KLHL26: variants seen among roughly 807,000 people sequenced by gnomAD.
KLHL26 encodes the protein kelch like family member 26, also known as kelch-like protein 26.
A neutral mutation model predicts 7.1 loss-of-function variants in KLHL26; 4 were observed. The ratio of observed to expected loss-of-function variants is 0.56; its 90% confidence interval spans 0.28 to 1.28. The LOEUF (loss-of-function observed/expected upper bound fraction) is 1.28, where lower values mean the gene tolerates loss of function less well. Among genes scored for constraint, KLHL26 ranks in the 50% most tolerant of loss-of-function variants. The pLI is 0.11. For synonymous variants in KLHL26, 465 were observed against 414.1 expected (o/e 1.12, Z -1.49); for missense variants, 896 against 924.6 (o/e 0.97, Z 0.40).
chr19:18,667,995 GA>G lies in KLHL26; in HGVS notation c.599del (p.Asp200ValfsTer150). 6.2e-7 allele frequency: 1 copy of G among 1,608,344 alleles called. No homozygotes were observed. Among genetic ancestry groups the G allele is most frequent in the East Asian group, 2.2e-5 (1 of 44,866 alleles). On this transcript the variant is annotated frameshift_variant, in exon 3 of 3. Coordinates refer to ENST00000300976, the MANE Select transcript of KLHL26 (RefSeq NM_018316.3). LOFTEE classifies it low-confidence loss of function (END_TRUNC). Reference protein sequence around the residue: ...RHFLQIAEEEDFLRLPLERLV... With the variant: ...RHFLQIAEEEXFLRLPLERLV... Reference sequence around the variant, plus strand: ...CTTCCTGCAGATCGCCGAGGAGGAGGATTTCCTGCGCCTGCCACTGGAGCGC... The same window carrying G: ...CTTCCTGCAGATCGCCGAGGAGGAGGTTTCCTGCGCCTGCCACTGGAGCGC...
chr19:18,664,543 A>C (rs1600707968), intron 2 of KLHL26, 100 bp downstream of exon 2: 1 of 921,932 alleles, frequency 1.1e-6, no homozygotes, highest in East Asian at 2.6e-5. Context: ...TCTCAGCGCT[A>C]CCCAGGGACA....
Position 18,668,496 on chromosome 19 carries a change from G to A in KLHL26, c.1099G>A (p.Gly367Arg). 4 of 1,605,546 alleles carry A rather than the reference G, an allele frequency of 2.5e-6. No homozygotes were observed. The highest frequency in any genetic ancestry group is 2.2e-5 in the East Asian group (1 of 44,796). ...AVLDNFVYVA[G>R]GQHLQYRSGE... ...GCTGGACAATTTTGTGTACGTGGCC[G>A]GGGGGCAGCACCTGCAGTACCGCAG... The change falls in exon 3 of 3, where the codon GGG becomes AGG. Residue 367 changes from glycine to arginine, a missense_variant. By Grantham distance (125) the Gly-to-Arg change is moderately radical. Coordinates refer to ENST00000300976, the MANE Select transcript of KLHL26 (RefSeq NM_018316.3).
intron 1 of KLHL26, among the ~76,000 whole-genome samples, chr19:18,642,158 T>G (rs1315798439): frequency 6.6e-6 from 1 of 152,222 alleles, no homozygotes; most frequent in Non-Finnish European, 1.5e-5. Context: ...ATTGTTCGTC[T>G]GTTCCTTCAT....
At chr19:18,652,885 G>A (rs993793513) in intron 1 of KLHL26, among the ~76,000 whole-genome samples, 1 of 152,178 alleles carries the variant, frequency 6.6e-6, no homozygotes, top group African/African-American at 2.4e-5. Context: ...CTAGAAAAGG[G>A]GCACGGCTAT....
At chr19:18,645,522 G>A (rs1450437690) in intron 1 of KLHL26, among the ~76,000 whole-genome samples, 2 of 152,086 alleles carry the variant, frequency 1.3e-5, no homozygotes, top group Non-Finnish European at 2.9e-5. Context: ...TGCATAAGAA[G>A]TGGTGGCTAG....
rs1237118365 is a variant in KLHL26, at chr19:18,669,531, G to A, written c.*286G>A. 3.5e-6 allele frequency: 2 copies of A among 563,702 alleles called. No homozygotes were observed. Among genetic ancestry groups the A allele is most frequent in the East Asian group, 3.0e-5 (1 of 33,840 alleles). The allele number at this position is 563,702 out of a possible 1,614,324, so 34.9% of individuals were successfully genotyped here. On this transcript the variant is annotated 3_prime_UTR_variant, in exon 3 of 3. Coordinates refer to ENST00000300976, the MANE Select transcript of KLHL26 (RefSeq NM_018316.3). ...CCTCGCCTGGCCCCCGAGTCCCCAC[G>A]GGCTGGCGGGTGGAATCCCAGGTCT... is the stretch of plus-strand genomic sequence containing the variant.
Position 18,669,379 on chromosome 19 carries a change from G to A in KLHL26, c.*134G>A. On this transcript the variant is annotated 3_prime_UTR_variant, in exon 3 of 3. Transcript: ENST00000300976. ...CTTGAGGGGCCTGCTGCGTTGATAA[G>A]CCCCCCTCCCAGGGGTCCCTCCCTC... 3.0e-6 allele frequency: 2 copies of A among 667,232 alleles called. No homozygotes were observed. Among genetic ancestry groups the A allele is most frequent in the Non-Finnish European group, 5.1e-6 (2 of 391,644 alleles). The allele number at this position is 667,232 out of a possible 1,614,324, so 41.3% of individuals were successfully genotyped here. A position where few individuals can be genotyped will look rare whatever the true frequency, so the allele number is the denominator to read the frequency against.
intron 1 of KLHL26, among the ~76,000 whole-genome samples, chr19:18,663,724 C>T (rs1412716012): frequency 6.6e-6 from 1 of 151,246 alleles, no homozygotes; most frequent in East Asian, 1.9e-4. Flanking sequence ...ATTCATTGAT[C>T]CGTTCAACAG....
rs937123480 is a variant in KLHL26 at position 18,668,255 on chromosome 19, C to A, written c.858C>A (p.Asn286Lys). The A allele has an allele frequency of 6.2e-7, 1 of 1,612,232 alleles. No homozygotes were observed. Among genetic ancestry groups the A allele is most frequent in the Non-Finnish European group, 8.5e-7 (1 of 1,179,878 alleles). The change falls in exon 3 of 3, where the codon AAC becomes AAA. Residue 286 changes from asparagine (N) to lysine (K), a missense_variant. Physicochemically the swap from Asn to Lys is moderately conservative, Grantham distance 94. Transcript: ENST00000300976. Reference sequence around the variant, plus strand: ...GCCAGTATCTGCTGGAGGCCTTCAACTACCAGGTGCTGCCCTTCCGGCAGC... The same window carrying A: ...GCCAGTATCTGCTGGAGGCCTTCAAATACCAGGTGCTGCCCTTCCGGCAGC... ...LCRQYLLEAF[N>K]YQVLPFRQHE...
chr19:18,665,867 C>T (rs1037161711), intron 2 of KLHL26, among the ~76,000 whole-genome samples: 2 of 152,196 alleles, frequency 1.3e-5, no homozygotes, highest in Admixed American at 6.5e-5. Context: ...CCAGGTGTGC[C>T]GCTCAGCCAC....
chr19:18,662,984 T>C (rs937010178), intron 1 of KLHL26, among the ~76,000 whole-genome samples: 1 of 152,098 alleles, frequency 6.6e-6, no homozygotes, highest in Non-Finnish European at 1.5e-5. Flanking sequence ...TTCAAAAGGC[T>C]GCACCCCCAC....
At position 18,650,784 on chromosome 19, in the gene KLHL26, G is replaced by A. The variant is rs1024540450; in HGVS notation, c.84-13477G>A. 2.6e-5 allele frequency among the ~76,000 whole-genome samples: 4 copies of A among 152,198 alleles called. No individual in the cohort carries two copies. The highest frequency in any genetic ancestry group is 7.2e-5 in the African/African-American group (3 of 41,446). On this transcript the variant is annotated intron_variant, in intron 1 of 2. Transcript: ENST00000300976. The surrounding 1 kb of genome is among the most constrained non-coding windows in gnomAD (Gnocchi z 4.2). ...AGCTTGCTGACCTTTTCTGGGAGTC[G>A]TGGCGGACGGAGTGGAGCCGTCTGT...
chr19:18,653,370 C>T (rs1287680890), intron 1 of KLHL26, among the ~76,000 whole-genome samples: 1 of 141,432 alleles, frequency 7.1e-6, no homozygotes, highest in East Asian at 2.1e-4. Context: ...ATCCACCCCA[C>T]CACCCACCCA....
At chr19:18,664,177 G>C in intron 1 of KLHL26, 84 bp from the exon 2 acceptor site, 1 of 1,298,958 alleles carries the variant, frequency 7.7e-7, no homozygotes, top group Non-Finnish European at 1.0e-6. Context: ...TTTGTGTCTG[G>C]CTTCTTGCAC....
At chr19:18,661,728 A>T (rs565953727) in intron 1 of KLHL26, among the ~76,000 whole-genome samples, 2 of 152,098 alleles carry the variant, frequency 1.3e-5, no homozygotes, top group African/African-American at 4.8e-5. Flanking sequence ...GGTAAAGGAC[A>T]TGAGCCTTTA....
rs1200729002 is a variant in KLHL26 at position 18,656,052 on chromosome 19, C to T, written c.84-8209C>T. Among the ~76,000 whole-genome samples the T allele has an allele frequency of 6.6e-5, 10 of 152,186 alleles. No individual in the cohort carries two copies. In the East Asian group the frequency reaches 1.9e-3, roughly 29 times the overall value. ...CAGCCTCCTTCCTCATCTAGAACAC[C>T]CCCATGCTCCTGAGATGACAGCTTG... On this transcript the variant is annotated intron_variant, in intron 1 of 2. Coordinates refer to ENST00000300976, the MANE Select transcript of KLHL26 (RefSeq NM_018316.3). The surrounding 1 kb of genome is among the most constrained non-coding windows in gnomAD (Gnocchi z 4.4).
chr19:18,653,122 C>G (rs982863250), intron 1 of KLHL26, among the ~76,000 whole-genome samples: 1 of 152,120 alleles, frequency 6.6e-6, no homozygotes, highest in African/African-American at 2.4e-5. Context: ...TGAGACTGCT[C>G]ACCAAGGCTC....
In KLHL26 at chr19:18,656,701, G is replaced by A. The variant is rs1007958053; in HGVS notation, c.84-7560G>A. Among the ~76,000 whole-genome samples, 9 of 144,662 alleles carry A rather than the reference G, an allele frequency of 6.2e-5. No homozygotes were observed. The highest frequency in any genetic ancestry group is 1.2e-4 in the Non-Finnish European group (8 of 66,032). 94.9% of individuals were successfully genotyped at this position (144,662 alleles called of 152,430 possible). A position where few individuals can be genotyped will look rare whatever the true frequency, so the allele number is the denominator to read the frequency against. Reference sequence around the variant, plus strand: ...GGCGAGCCCTGTCTGCCTCAGTAGCGCGGGGCTCTTGGAGGAGGCTTGAGG... The same window carrying A: ...GGCGAGCCCTGTCTGCCTCAGTAGCACGGGGCTCTTGGAGGAGGCTTGAGG... On this transcript the variant is annotated intron_variant, in intron 1 of 2. Coordinates refer to ENST00000300976, the MANE Select transcript of KLHL26 (RefSeq NM_018316.3). The surrounding 1 kb of genome is among the most constrained non-coding windows in gnomAD (Gnocchi z 4.4).
intron 1 of KLHL26, among the ~76,000 whole-genome samples, chr19:18,640,678 G>T (rs1348253938): frequency 6.9e-6 from 1 of 145,428 alleles, no homozygotes; most frequent in Non-Finnish European, 1.5e-5. Context: ...AGCTGGGATT[G>T]TAAGGATGCG....
Sources: gnomAD v4.1 joint callset for allele counts (sites outside exome capture counted in the v4.1 genomes callset) on GRCh38, gnomAD v4.1.1 for gene constraint, Gnocchi (gnomAD v3.1) non-coding constraint, MANE v1.5 for transcripts, NCBI Gene and HGNC (gene_info 2026-07-23, HGNC 2026-07-21) for gene names.